CSMD1: variants seen among roughly 807,000 people sequenced by gnomAD.
CSMD1 encodes the protein CUB and sushi domain-containing protein 1.
A neutral mutation model predicts 417.5 loss-of-function variants in CSMD1; 213 were observed. The ratio of observed to expected loss-of-function variants is 0.51; its 90% CI spans 0.46 to 0.57. The LOEUF is 0.57. Ranked by LOEUF, CSMD1 falls within the 20% of genes least tolerant of loss-of-function variation. The pLI, the probability that CSMD1 is intolerant of heterozygous loss-of-function variation, is 0.00. For missense variants in CSMD1, 6,923 were observed against 4,529.7 expected (o/e 1.53, Z -15.17); for synonymous variants, 2,862 against 1,736.8 (o/e 1.65, Z -16.11).
intron 3 of CSMD1, among the ~76,000 whole-genome samples, chr8:4,275,771 T>A (rs903379417): frequency 3.3e-5 from 5 of 152,306 alleles, no homozygotes; most frequent in East Asian, 3.9e-4. Context: ...AGTCACAGAA[T>A]AAAAACTCTA....
At chr8:4,076,950 A>G (rs955788998) in intron 3 of CSMD1, among the ~76,000 whole-genome samples, 1 of 152,212 alleles carries the variant, frequency 6.6e-6, no homozygotes, top group African/African-American at 2.4e-5. Context: ...TTACACAAGG[A>G]TAACACTTTC....
intron 25 of CSMD1, among the ~76,000 whole-genome samples, chr8:3,300,361 GT>G (rs77577063): frequency 1.8e-4 from 27 of 151,030 alleles, no homozygotes; most frequent in African/African-American, 5.8e-4. Context: ...ACATTTAGGG[GT>G]TTTTTTTTCT....
At chr8:3,300,082 G>A (rs1015675606) in intron 25 of CSMD1, among the ~76,000 whole-genome samples, 1 of 152,148 alleles carries the variant, frequency 6.6e-6, no homozygotes, top group Admixed American at 6.5e-5. Flanking sequence ...AAAGGGTGTA[G>A]TTTAAATAAA....
intron 3 of CSMD1, among the ~76,000 whole-genome samples, chr8:4,365,356 T>C (rs900836887): frequency 6.6e-6 from 1 of 152,250 alleles, no homozygotes; most frequent in Non-Finnish European, 1.5e-5. Flanking sequence ...ATCAAAATCA[T>C]GCATCATTTT....
At chr8:3,762,198 C>T (rs1411625052) in intron 5 of CSMD1, among the ~76,000 whole-genome samples, 1 of 152,160 alleles carries the variant, frequency 6.6e-6, no homozygotes, top group Non-Finnish European at 1.5e-5. Context: ...ATGCAGGGCG[C>T]CATGCAAAGC....
chr8:3,375,709 G>A lies in CSMD1; in HGVS notation c.2783-6339C>T, dbSNP rs888412166. Among the ~76,000 whole-genome samples the A allele has an allele frequency of 2.0e-5, 3 of 152,190 alleles. 1 individual carries two copies. The highest frequency in any genetic ancestry group is 4.2e-4 in the South Asian group (2 of 4,816). On this transcript the variant is annotated intron_variant, in intron 18 of 69. Transcript: ENST00000635120. ...GGAGAGATTCCAATCCTGATGACCAGCCCCCATCTCACCCTCAGAAAAACC... is the reference window on the plus strand; with the variant it reads ...GGAGAGATTCCAATCCTGATGACCAACCCCCATCTCACCCTCAGAAAAACC...
intron 48 of CSMD1, 84 bp from the exon 49 acceptor site, chr8:3,087,369 G>T (rs1232453693): frequency 1.5e-6 from 2 of 1,359,812 alleles, no homozygotes; most frequent in Non-Finnish European, 2.1e-6. Flanking sequence ...GTCTATAAAT[G>T]AATGGCTTCT....
intron 1 of CSMD1, among the ~76,000 whole-genome samples, chr8:4,663,299 G>C (rs1365126024): frequency 2.0e-5 from 3 of 152,148 alleles, no homozygotes; most frequent in Admixed American, 6.5e-5. Flanking sequence ...GCAAACATTG[G>C]ACAAAGCCCA....
Position 4,892,151 on chromosome 8 carries a change from T to C in CSMD1, c.85+102181A>G, listed in dbSNP as rs549129385. ...TTTTTTCCCATTTGTCACCTGCAAT[T>C]TGAACAAAGTAGTTTCATTAAGGCA... On this transcript the variant is annotated intron_variant, in intron 1 of 69. Coordinates refer to ENST00000635120, the MANE Select transcript of CSMD1 (RefSeq NM_033225.6). Among the ~76,000 whole-genome samples, 110 of 152,234 alleles carry C rather than the reference T, an allele frequency of 7.2e-4. 4 individuals carry two copies. Among genetic ancestry groups the C allele is most frequent in the African/African-American group, 2.5e-3 (103 of 41,494 alleles).
At chr8:3,892,357 GA>G (rs1375242698) in intron 5 of CSMD1, among the ~76,000 whole-genome samples, 1 of 152,054 alleles carries the variant, frequency 6.6e-6, no homozygotes, top group East Asian at 1.9e-4. Context: ...GACGTGTGGG[GA>G]ACGTATTATG....
At chr8:4,730,698 G>A (rs936266864) in intron 1 of CSMD1, among the ~76,000 whole-genome samples, 3 of 151,834 alleles carry the variant, frequency 2.0e-5, no homozygotes, top group Non-Finnish European at 4.4e-5. Flanking sequence ...GAGAGATCGT[G>A]CCACTGCACT....
At chr8:4,607,785 A>C (rs1049866950) in intron 2 of CSMD1, among the ~76,000 whole-genome samples, 1 of 151,928 alleles carries the variant, frequency 6.6e-6, no homozygotes, top group Non-Finnish European at 1.5e-5. Context: ...GTAAATCCTC[A>C]CTCCCTTTCT....
intron 3 of CSMD1, among the ~76,000 whole-genome samples, chr8:4,174,973 C>T (rs1299554466): frequency 6.6e-6 from 1 of 151,308 alleles, no homozygotes; most frequent in Non-Finnish European, 1.5e-5. Context: ...ATTGATGGCT[C>T]TTTGAGATAC....
intron 3 of CSMD1, among the ~76,000 whole-genome samples, chr8:4,144,212 C>A (rs983445667): frequency 6.6e-6 from 1 of 150,980 alleles, no homozygotes; most frequent in African/African-American, 2.5e-5. Flanking sequence ...AGATCTTGGG[C>A]TTCTTCCTTG....
chr8:4,115,107 A>G (rs1335450076), intron 3 of CSMD1, among the ~76,000 whole-genome samples: 1 of 152,206 alleles, frequency 6.6e-6, no homozygotes, highest in Non-Finnish European at 1.5e-5. Flanking sequence ...CTAGAGATAA[A>G]TCTTTCATGA....
At chr8:4,422,909 G>A (rs560000419) in intron 2 of CSMD1, among the ~76,000 whole-genome samples, 88 of 152,038 alleles carry the variant, frequency 5.8e-4, no homozygotes, top group African/African-American at 2.1e-3. Flanking sequence ...CAATATTAAT[G>A]GGCTAACAAA....
chr8:4,053,323 A>T (rs1030147486), intron 3 of CSMD1, among the ~76,000 whole-genome samples: 3 of 152,194 alleles, frequency 2.0e-5, no homozygotes, highest in African/African-American at 4.8e-5. Context: ...GAATAATAAA[A>T]ATCAGACTGA....
chr8:3,902,743 G>A (rs1004011181), intron 5 of CSMD1, among the ~76,000 whole-genome samples: 2 of 152,122 alleles, frequency 1.3e-5, no homozygotes, highest in African/African-American at 2.4e-5. Flanking sequence ...GACCCCTGCT[G>A]AGGTACACAT....
At chr8:3,807,967 A>G (rs1800841569) in intron 5 of CSMD1, among the ~76,000 whole-genome samples, 1 of 152,230 alleles carries the variant, frequency 6.6e-6, no homozygotes, top group South Asian at 2.1e-4. Flanking sequence ...GTCAAACAAG[A>G]CATGCAGCCC....
Sources: gnomAD v4.1 joint callset for allele counts (sites outside exome capture counted in the v4.1 genomes callset) on GRCh38, gnomAD v4.1.1 for gene constraint, MANE v1.5 for transcripts, NCBI Gene and HGNC (gene_info 2026-07-23, HGNC 2026-07-21) for gene names.